Variants in NPSR1 observed in about 807,000 individuals in gnomAD.
The protein encoded by NPSR1 is neuropeptide S receptor.
In NPSR1, 48 loss-of-function variants were observed where a neutral mutation model predicts 46.9. That is an observed-to-expected ratio of 1.02 (90% CI 0.81 to 1.30). The LOEUF (loss-of-function observed/expected upper bound fraction) is 1.30, where lower values mean the gene tolerates loss of function less well. Ranked by LOEUF, NPSR1 falls within the 50% of genes most tolerant of loss-of-function variation. The probability of loss-of-function intolerance (pLI) is 0.00; values close to 1 mark genes in which losing one functional copy is unlikely to be tolerated. For synonymous variants in NPSR1, 176 were observed against 168.1 expected (o/e 1.05, Z -0.36); for missense variants, 450 against 449.5 (o/e 1.00, Z -0.01).
chr7:34,792,677 A>ATATATATATATGTATATATATG (rs1787961360), intron 3 of NPSR1, among the ~76,000 whole-genome samples: 1 of 90,560 alleles, frequency 1.1e-5, no homozygotes, highest in African/African-American at 3.8e-5. Flanking sequence ...ATATATATGT[A>ATATATATATATGTATATATATG]TATATATATA....
rs374130159 is a variant in NPSR1, at chr7:34,778,433, G to C, written c.281-29G>C. On this transcript the variant is annotated intron_variant, in intron 2 of 8. Transcript: ENST00000360581. ...AAAAATAAAAATAAAAATAAACCCT[G>C]AATGTAAGCACTTGTACGTTTTTGT... is the stretch of plus-strand genomic sequence containing the variant. 4 of 1,262,406 alleles carry C rather than the reference G, an allele frequency of 3.2e-6. No homozygotes were observed. The Admixed American group carries it at 7.3e-5, about 23-fold the overall frequency. 78.2% of individuals were successfully genotyped at this position (1,262,406 alleles called of 1,614,324 possible). A position where few individuals can be genotyped will look rare whatever the true frequency, so the allele number is the denominator to read the frequency against.
chr7:34,751,911 C>T, intron 2 of NPSR1: 1 of 1,452,118 alleles, frequency 6.9e-7, no homozygotes, highest in South Asian at 1.2e-5. Flanking sequence ...CTCCCGCAGT[C>T]ACTCAAACAA....
downstream of NPSR1, among the ~76,000 whole-genome samples, chr7:34,851,248 C>T (rs1790926147): frequency 6.7e-6 from 1 of 149,352 alleles, no homozygotes; most frequent in South Asian, 2.1e-4. Context: ...ATTTTAATAG[C>T]ACTCCATTCC....
intron 1 of NPSR1, among the ~76,000 whole-genome samples, chr7:34,667,472 T>C (rs1213224136): frequency 2.6e-5 from 4 of 152,098 alleles, no homozygotes; most frequent in Non-Finnish European, 4.4e-5. Context: ...TCCTAGACTC[T>C]CCATTCATCC....
chr7:34,862,477 C>G (rs548279267), intron 8 of NPSR1, among the ~76,000 whole-genome samples: 1 of 151,858 alleles, frequency 6.6e-6, no homozygotes, highest in African/African-American at 2.4e-5. Flanking sequence ...CTCTTTCCTG[C>G]TCTTTCATTC....
chr7:34,802,195 C>T (rs1788455041), intron 3 of NPSR1, among the ~76,000 whole-genome samples: 1 of 150,320 alleles, frequency 6.7e-6, no homozygotes, highest in Non-Finnish European at 1.5e-5. Context: ...TGACTTTCTT[C>T]ACAGAATTGG....
At chr7:34,693,522 T>C (rs1793368722) in intron 2 of NPSR1, among the ~76,000 whole-genome samples, 1 of 151,962 alleles carries the variant, frequency 6.6e-6, no homozygotes, top group South Asian at 2.1e-4. Context: ...ACAAAAAAAA[T>C]CTCAAGACCA....
intron 2 of NPSR1, among the ~76,000 whole-genome samples, chr7:34,697,876 G>C (rs1003674074): frequency 2.6e-5 from 4 of 152,014 alleles, no homozygotes; most frequent in Non-Finnish European, 4.4e-5. Flanking sequence ...AAATGTATCA[G>C]TAATTGCATT....
At chr7:34,780,887 G>A (rs1050217678) in intron 3 of NPSR1, among the ~76,000 whole-genome samples, 9 of 152,072 alleles carry the variant, frequency 5.9e-5, no homozygotes, top group East Asian at 3.9e-4. Flanking sequence ...CTGGGCATTC[G>A]TCAAAACAGT....
chr7:34,751,727 C>T (rs1470783353), intron 2 of NPSR1: 2 of 1,584,058 alleles, frequency 1.3e-6, no homozygotes, highest in Admixed American at 3.3e-5. Flanking sequence ...TCCTTCGGGT[C>T]CCCCTGACTG....
At chr7:34,873,411 G>A (rs1446524553) in intron 8 of NPSR1, among the ~76,000 whole-genome samples, 3 of 151,666 alleles carry the variant, frequency 2.0e-5, no homozygotes, top group Admixed American at 6.5e-5. Flanking sequence ...AAAAGTACCT[G>A]AGGCTGGCTA....
intron 2 of NPSR1, chr7:34,711,304 T>C (rs1016588684): frequency 6.5e-6 from 1 of 154,170 alleles, no homozygotes; most frequent in African/African-American, 2.4e-5. Flanking sequence ...GCGTGGAGGA[T>C]CTGATTCATG....
chr7:34,750,128 A>ACT (rs1785442752), intron 2 of NPSR1: 1 of 241,110 alleles, frequency 4.1e-6, no homozygotes, highest in Non-Finnish European at 7.9e-6. Flanking sequence ...TCGTGTATGT[A>ACT]TTTTTTTTTT....
rs1427058122 is a variant in NPSR1, at chr7:34,802,212, C to T, written c.385-9558C>T. ...ACTTTCTTCACAGAATTGGAAAAAA[C>T]TACTTTAAACTTCATATGGAACCAA... On this transcript the variant is annotated intron_variant, in intron 3 of 8. Transcript: ENST00000360581. 2.0e-5 allele frequency among the ~76,000 whole-genome samples: 3 copies of T among 150,342 alleles called. 1 individual carries two copies. Among genetic ancestry groups the T allele is most frequent in the African/African-American group, 7.6e-5 (3 of 39,700 alleles).
At chr7:34,852,888 C>T (rs1220342627), downstream of NPSR1, among the ~76,000 whole-genome samples, 2 of 152,170 alleles carry the variant, frequency 1.3e-5, no homozygotes, top group African/African-American at 4.8e-5. Flanking sequence ...CTATATTCAG[C>T]CATACTATAG....
At chr7:34,670,902 C>A (rs1792017997) in intron 1 of NPSR1, among the ~76,000 whole-genome samples, 1 of 151,992 alleles carries the variant, frequency 6.6e-6, no homozygotes, top group South Asian at 2.1e-4. Context: ...TAAATCAGAA[C>A]AACTTAACCC....
chr7:34,791,061 TATA>T (rs1376800200), intron 3 of NPSR1, among the ~76,000 whole-genome samples: 3 of 119,486 alleles, frequency 2.5e-5, no homozygotes, highest in African/African-American at 3.5e-5. Context: ...TTATATGTTA[TATA>T]TTATATTATA....
rs567738703 is a variant in NPSR1 at position 34,758,263 on chromosome 7, G to A, written c.281-20199G>A. 3.9e-5 allele frequency: 6 copies of A among 152,286 alleles called. No homozygotes were observed. The South Asian group carries it at 1.2e-3, about 32-fold the overall frequency. The allele number at this position is 152,286 out of a possible 1,614,324, so 9.4% of individuals were successfully genotyped here. ...TGCTCTTACTAACATCTATATTTCT[G>A]AGTCCTAGACCTCCCCAGAGAGTGT... On this transcript the variant is annotated intron_variant, in intron 2 of 8. Coordinates refer to ENST00000360581, the MANE Select transcript of NPSR1 (RefSeq NM_207172.2).
intron 3 of NPSR1, among the ~76,000 whole-genome samples, chr7:34,807,211 T>C (rs1788740513): frequency 6.6e-6 from 1 of 152,340 alleles, no homozygotes; most frequent in South Asian, 2.1e-4. Flanking sequence ...TTGTTTTAAA[T>C]ATGTGATTTG....
Sources: allele counts gnomAD v4.1 joint callset (sites outside exome capture counted in the v4.1 genomes callset), GRCh38; gene constraint gnomAD v4.1.1; transcripts MANE v1.5; gene names NCBI Gene and HGNC (gene_info 2026-07-23, HGNC 2026-07-21).